LAT2: variants seen among roughly 807,000 people sequenced by gnomAD.
LAT2 encodes the protein linker for activation of T-cells family member 2.
A neutral mutation model predicts 43.4 loss-of-function variants in LAT2; 23 were observed. The observed-to-expected ratio is 0.53, with a 90% confidence interval of 0.38 to 0.75. The LOEUF is 0.75. Ranked by LOEUF, LAT2 falls within the 30% of genes least tolerant of loss-of-function variation. The pLI is 0.00. For synonymous variants in LAT2, 128 were observed against 123.2 expected, an observed-to-expected ratio of 1.04 and a Z score of -0.26; for missense variants, 284 against 310.2, an observed-to-expected ratio of 0.92 and a Z score of 0.64.
At chr7:74,224,570 G>A (rs754604561) in intron 12 of LAT2, 69 bp from the exon 13 acceptor site, 2 of 1,366,006 alleles carry the variant, frequency 1.5e-6, no homozygotes, top group African/African-American at 2.9e-5. Flanking sequence ...GGGGGTCTGA[G>A]TCTGGGGGAG....
chr7:74,226,898 A>C (rs1802509861), intron 13 of LAT2, among the ~76,000 whole-genome samples: 1 of 152,004 alleles, frequency 6.6e-6, no homozygotes, highest in African/African-American at 2.4e-5. Flanking sequence ...AGTGAGCCCC[A>C]CAGGTCTGAG....
Position 74,220,346 on chromosome 7 carries a change from G to C in LAT2, c.265+92G>C. 6.9e-7 allele frequency: 1 copy of C among 1,443,686 alleles called. No homozygotes were observed. The highest frequency in any genetic ancestry group is 9.6e-7 in the Non-Finnish European group (1 of 1,046,290). 89.4% of individuals were successfully genotyped at this position (1,443,686 alleles called of 1,614,324 possible). A position where few individuals can be genotyped will look rare whatever the true frequency, so the allele number is the denominator to read the frequency against. On this transcript the variant is annotated intron_variant, in intron 7 of 13. Coordinates refer to ENST00000460943, the MANE Select transcript of LAT2 (RefSeq NM_032464.3). The surrounding 1 kb of genome is among the most constrained non-coding windows in gnomAD (Gnocchi z 4.5). The stretch of plus-strand genomic sequence containing the variant: ...CATGGGACAGGCGTCGTGCAGTGGG[G>C]GCTGCGGGGCCAGGCGAGGCCTCCC...
chr7:74,220,087 C>G lies in LAT2; in HGVS notation c.227+79C>G. ...CCTGGTGAGCCCAGGTCAAGACCTC[C>G]CTCCCTCCCCGAGTCCCAGAGCTCC... is the stretch of plus-strand genomic sequence containing the variant. On this transcript the variant is annotated intron_variant, in intron 6 of 13. Transcript: ENST00000460943. The surrounding 1 kb of genome is among the most constrained non-coding windows in gnomAD (Gnocchi z 4.5). 1 of 1,572,616 alleles carries G rather than the reference C, an allele frequency of 6.4e-7. No homozygotes were observed. Among genetic ancestry groups the G allele is most frequent in the Non-Finnish European group, 8.7e-7 (1 of 1,151,880 alleles).
At chr7:74,223,880 C>G (rs1264824938) in intron 11 of LAT2, 97 bp downstream of exon 11, 30 of 1,491,564 alleles carry the variant, frequency 2.0e-5, no homozygotes, top group Non-Finnish European at 5.6e-6. Flanking sequence ...GCCGCCCCCA[C>G]TTTGAAGCCT....
At chr7:74,225,725 G>A (rs548335439) in intron 13 of LAT2, 1 of 152,330 alleles carries the variant, frequency 6.6e-6, no homozygotes, top group African/African-American at 2.4e-5. Flanking sequence ...CCCCCAGAGG[G>A]CCTTGAAGGC....
In LAT2 at chr7:74,214,840, T is replaced by C. The variant is rs1801980139; in HGVS notation, c.-200T>C. On this transcript the variant is annotated 5_prime_UTR_variant, in exon 2 of 14. Coordinates refer to ENST00000460943, the MANE Select transcript of LAT2 (RefSeq NM_032464.3). ...TTTGTAGAGATGGAATTTCACCGTG[T>C]TGCCTAGGCTGGTCTGGAGCTCTTG... The C allele has an allele frequency of 7.2e-6, 1 of 139,302 alleles. No homozygotes were observed. Among genetic ancestry groups the C allele is most frequent in the Non-Finnish European group, 1.5e-5 (1 of 65,248 alleles). The allele number at this position is 139,302 out of a possible 1,614,324, so 8.6% of individuals were successfully genotyped here. A position where few individuals can be genotyped will look rare whatever the true frequency, so the allele number is the denominator to read the frequency against.
At chr7:74,214,760 TAAAC>T (rs1554713964) in intron 1 of LAT2, 58 bp from the exon 2 acceptor site, 1,144 of 87,672 alleles carry the variant, frequency 0.013, 78 homozygotes, top group African/African-American at 0.058. Context: ...TATATATATA[TAAAC>T]ATATATATAT....
At chr7:74,214,191 T>A (rs556873103) in intron 1 of LAT2, among the ~76,000 whole-genome samples, 9 of 98,368 alleles carry the variant, frequency 9.1e-5, no homozygotes, top group Middle Eastern at 0.01. Context: ...TATATATAAA[T>A]ATATATATGA....
chr7:74,214,057 TGA>T (rs1554713586), intron 1 of LAT2, among the ~76,000 whole-genome samples: 78 of 130,720 alleles, frequency 6.0e-4, no homozygotes, highest in African/African-American at 2.1e-3. Context: ...TATATATATA[TGA>T]AAAAATATAT....
chr7:74,220,733 ATG>A lies in LAT2; in HGVS notation c.332+2_332+3del, dbSNP rs1802236805. The stretch of plus-strand genomic sequence containing the variant: ...CAGACACGGGTCGGAGGAAGCCTAC[ATG>A]TGAGTGACCTTGATCCTGTCCCCCC... On this transcript the variant is annotated splice_donor_variant and coding_sequence_variant, in exon 9 of 14. Transcript: ENST00000460943. LOFTEE classifies it high-confidence loss of function. The surrounding 1 kb of genome is among the most constrained non-coding windows in gnomAD (Gnocchi z 4.5). The A allele has an allele frequency of 6.3e-7, 1 of 1,592,360 alleles. No individual in the cohort carries two copies. The highest frequency in any genetic ancestry group is 1.3e-5 in the African/African-American group (1 of 74,400).
chr7:74,222,701 G>T (rs1034856127), intron 10 of LAT2, among the ~76,000 whole-genome samples: 9 of 152,018 alleles, frequency 5.9e-5, no homozygotes, highest in Admixed American at 2.0e-4. Context: ...AGCCTCCCGA[G>T]TAGCTGAGAT....
intron 1 of LAT2, among the ~76,000 whole-genome samples, chr7:74,211,686 T>G (rs1484869715): frequency 6.6e-6 from 1 of 152,072 alleles, no homozygotes; most frequent in African/African-American, 2.4e-5. Flanking sequence ...CTCAATCTCC[T>G]GACTTTGTGA....
intron 4 of LAT2, 43 bp downstream of exon 4, chr7:74,216,907 C>T: frequency 6.4e-7 from 1 of 1,564,826 alleles, no homozygotes; most frequent in Non-Finnish European, 8.8e-7. Context: ...TTCATGTGCC[C>T]TGGGCATGGA....
At position 74,220,381 on chromosome 7, in the gene LAT2, C is replaced by A; in HGVS notation, c.265+127C>A. On this transcript the variant is annotated intron_variant, in intron 7 of 13. Coordinates refer to ENST00000460943, the MANE Select transcript of LAT2 (RefSeq NM_032464.3). The surrounding 1 kb of genome is among the most constrained non-coding windows in gnomAD (Gnocchi z 4.5). The stretch of plus-strand genomic sequence containing the variant: ...CCAGGCGAGGCCTCCCCAGGAGAGA[C>A]ACACAGGCTGGGGCAGGGCAGGCTC... The A allele has an allele frequency of 1.6e-6, 2 of 1,277,126 alleles. No homozygotes were observed. Among genetic ancestry groups the A allele is most frequent in the Non-Finnish European group, 2.2e-6 (2 of 898,078 alleles). 79.1% of individuals were successfully genotyped at this position (1,277,126 alleles called of 1,614,324 possible).
At chr7:74,213,415 C>T (rs1350675023) in intron 1 of LAT2, among the ~76,000 whole-genome samples, 1 of 150,000 alleles carries the variant, frequency 6.7e-6, no homozygotes, top group Non-Finnish European at 1.5e-5. Flanking sequence ...GCCACTGTGC[C>T]CGGCCATTTT....
chr7:74,222,855 A>G lies in LAT2; in HGVS notation c.389-869A>G, dbSNP rs542058198. On this transcript the variant is annotated intron_variant, in intron 10 of 13. Transcript: ENST00000460943. ...CTCCCAAAGTGCTGGGATTACAGGC[A>G]TGAGCCACCCCGCCAGGCTGGCAGT... Among the ~76,000 whole-genome samples the G allele has an allele frequency of 6.6e-5, 10 of 152,254 alleles. No individual in the cohort carries two copies. The South Asian group carries it at 1.2e-3, about 19-fold the overall frequency.
intron 1 of LAT2, among the ~76,000 whole-genome samples, chr7:74,213,302 T>C (rs995758714): frequency 6.6e-6 from 1 of 151,580 alleles, no homozygotes; most frequent in Admixed American, 6.6e-5. Flanking sequence ...TATTCTTTTT[T>C]AGTAGACACA....
chr7:74,214,053 TATATGAAAAA>T, intron 1 of LAT2, among the ~76,000 whole-genome samples: 3 of 133,530 alleles, frequency 2.2e-5, no homozygotes, highest in African/African-American at 8.6e-5. Context: ...TATATATATA[TATATGAAAAA>T]ATATATATAA....
At chr7:74,213,365 C>G (rs1554713411) in intron 1 of LAT2, among the ~76,000 whole-genome samples, 1 of 151,628 alleles carries the variant, frequency 6.6e-6, no homozygotes, top group African/African-American at 2.4e-5. Context: ...TCATGAACCA[C>G]CCGCCTCAGC....
Sources: gnomAD v4.1 joint callset for allele counts (sites outside exome capture counted in the v4.1 genomes callset) on GRCh38, gnomAD v4.1.1 for gene constraint, Gnocchi (gnomAD v3.1) non-coding constraint, MANE v1.5 for transcripts, NCBI Gene and HGNC (gene_info 2026-07-23, HGNC 2026-07-21) for gene names.